Variants in MKLN1 observed in about 807,000 individuals in gnomAD.
MKLN1 encodes muskelin.
Under a neutral mutation model 99.0 loss-of-function variants are expected in MKLN1, and 18 were observed. The observed-to-expected ratio is 0.18, with a 90% CI of 0.13 to 0.27. The LOEUF is 0.27. Ranked by LOEUF, MKLN1 falls within the 10% of genes least tolerant of loss-of-function variation. MKLN1 has a pLI of 1.00. For synonymous variants in MKLN1, 288 were observed against 293.2 expected (o/e 0.98, Z 0.18); for missense variants, 621 against 875.9 (o/e 0.71, Z 3.67).
At chr7:131,357,778 A>C (rs930119160) in intron 1 of MKLN1, among the ~76,000 whole-genome samples, 7 of 152,104 alleles carry the variant, frequency 4.6e-5, no homozygotes, top group Non-Finnish European at 1.0e-4. Flanking sequence ...AGGATGCTCC[A>C]GGCTCATCTT....
At chr7:131,333,576 G>T (rs1480565974) in intron 1 of MKLN1, among the ~76,000 whole-genome samples, 8 of 149,202 alleles carry the variant, frequency 5.4e-5, no homozygotes, top group African/African-American at 1.5e-4. Flanking sequence ...CGCTCTTATT[G>T]CCCAGGCTGG....
intron 3 of MKLN1, among the ~76,000 whole-genome samples, chr7:131,300,610 T>A: frequency 7.0e-6 from 1 of 143,682 alleles, no homozygotes; most frequent in East Asian, 2.1e-4. Context: ...TCGCTTGAAC[T>A]CCAGAGAAAG....
chr7:131,275,372 T>G (rs1352319598), intron 3 of MKLN1, among the ~76,000 whole-genome samples: 3 of 136,500 alleles, frequency 2.2e-5, no homozygotes, highest in Non-Finnish European at 3.2e-5. Flanking sequence ...TTGGTTTTTT[T>G]TTTTTTTTTT....
At chr7:131,121,638 CAA>C (rs55908773) in intron 1 of MKLN1, among the ~76,000 whole-genome samples, 5 of 72,802 alleles carry the variant, frequency 6.9e-5, no homozygotes, top group Admixed American at 1.7e-4. Flanking sequence ...GACTCCGTCT[CAA>C]AAAAAAAAAA....
At chr7:131,285,825 A>T (rs975679564) in intron 3 of MKLN1, among the ~76,000 whole-genome samples, 1 of 152,138 alleles carries the variant, frequency 6.6e-6, no homozygotes, top group African/African-American at 2.4e-5. Flanking sequence ...ACTCCCATCA[A>T]TAGTTAGTCA....
intron 1 of MKLN1, among the ~76,000 whole-genome samples, chr7:131,134,644 C>T (rs566399034): frequency 6.6e-6 from 1 of 152,284 alleles, no homozygotes; most frequent in South Asian, 2.1e-4. Flanking sequence ...TCCCAAACCT[C>T]TATCTAATTG....
intron 16 of MKLN1, among the ~76,000 whole-genome samples, chr7:131,477,662 C>T (rs1797005663): frequency 6.6e-6 from 1 of 152,042 alleles, no homozygotes; most frequent in Admixed American, 6.6e-5. Context: ...AGATAAATAC[C>T]TATGGAATAT....
At chr7:131,184,381 G>GT (rs990219650) in intron 2 of MKLN1, among the ~76,000 whole-genome samples, 5 of 151,918 alleles carry the variant, frequency 3.3e-5, no homozygotes, top group Non-Finnish European at 5.9e-5. Context: ...TCTGTTCTTT[G>GT]TTTTTTTCAG....
chr7:131,259,122 T>C (rs190487488), intron 3 of MKLN1, among the ~76,000 whole-genome samples: 1 of 151,980 alleles, frequency 6.6e-6, no homozygotes, highest in Middle Eastern at 3.2e-3. Flanking sequence ...TTTAAAAAAA[T>C]ATATATATAT....
At chr7:131,195,301 A>T (rs1796625396) in intron 2 of MKLN1, among the ~76,000 whole-genome samples, 2 of 152,116 alleles carry the variant, frequency 1.3e-5, no homozygotes, top group South Asian at 4.1e-4. Flanking sequence ...ACTTGAGGTC[A>T]GGAGTTTGAG....
chr7:131,169,672 G>A (rs2116331255), intron 2 of MKLN1, among the ~76,000 whole-genome samples: 1 of 152,284 alleles, frequency 6.6e-6, no homozygotes, highest in African/African-American at 2.4e-5. Context: ...TAGCAGACAT[G>A]TAAGATGTCA....
chr7:131,272,871 A>C (rs1797908052), intron 3 of MKLN1, among the ~76,000 whole-genome samples: 1 of 152,198 alleles, frequency 6.6e-6, no homozygotes, highest in South Asian at 2.1e-4. Context: ...CCCACAACAC[A>C]TGGGAATTCT....
At chr7:131,279,568 G>T (rs112509288) in intron 3 of MKLN1, among the ~76,000 whole-genome samples, 11 of 152,284 alleles carry the variant, frequency 7.2e-5, no homozygotes, top group Non-Finnish European at 1.5e-4. Flanking sequence ...AACACTTTGG[G>T]AGGCTGAGTC....
intron 2 of MKLN1, among the ~76,000 whole-genome samples, chr7:131,179,492 A>G (rs1227312068): frequency 6.6e-6 from 1 of 152,226 alleles, no homozygotes; most frequent in Non-Finnish European, 1.5e-5. Flanking sequence ...GCAAATAATT[A>G]TGACTAATAC....
chr7:131,121,588 G>A lies in MKLN1; in HGVS notation c.-419+11381G>A, dbSNP rs543550572. ...CTGGGGGCGGAGCTTGCAGTGAGCC[G>A]AGATCGCGCCACTGCACTCCAGCCT... On this transcript the variant is annotated intron_variant, in intron 1 of 7. Transcript: ENST00000416992. Among the ~76,000 whole-genome samples the A allele has an allele frequency of 2.0e-3, 255 of 129,076 alleles. 1 individual carries two copies. The Middle Eastern group carries it at 0.037, about 19-fold the overall frequency. 84.7% of individuals were successfully genotyped at this position (129,076 alleles called of 152,430 possible).
intron 1 of MKLN1, among the ~76,000 whole-genome samples, chr7:131,331,907 C>T (rs1438833624): frequency 3.3e-5 from 5 of 152,082 alleles, no homozygotes; most frequent in Middle Eastern, 3.2e-3. Context: ...ATCTTGTTTA[C>T]ATATTATTGA....
intron 6 of MKLN1, among the ~76,000 whole-genome samples, chr7:131,409,881 C>CATATATATACA (rs1794822336): frequency 1.3e-5 from 2 of 152,216 alleles, no homozygotes; most frequent in Non-Finnish European, 2.9e-5. Flanking sequence ...GCTGTATCAT[C>CATATATATACA]ATTATAGAAT....
chr7:131,485,653 C>T (rs1797251198), intron 17 of MKLN1, among the ~76,000 whole-genome samples: 1 of 152,096 alleles, frequency 6.6e-6, no homozygotes, highest in Non-Finnish European at 1.5e-5. Context: ...AGGTGATGCA[C>T]TGAGGACACA....
At chr7:131,199,989 C>T (rs898207728) in intron 2 of MKLN1, among the ~76,000 whole-genome samples, 9 of 152,152 alleles carry the variant, frequency 5.9e-5, no homozygotes, top group African/African-American at 1.9e-4. Flanking sequence ...TGAGCCACTG[C>T]ACCCAGCCTT....
Sources: gnomAD v4.1 joint callset for allele counts (sites outside exome capture counted in the v4.1 genomes callset) on GRCh38, gnomAD v4.1.1 for gene constraint, MANE v1.5 for transcripts, NCBI Gene and HGNC (gene_info 2026-07-23, HGNC 2026-07-21) for gene names.